CAMK1D: variants seen among roughly 807,000 people sequenced by gnomAD.
CAMK1D encodes calcium/calmodulin-dependent protein kinase type 1D.
CAMK1D carries 9 observed loss-of-function variants against 47.7 expected under a neutral mutation model. The ratio of observed to expected loss-of-function variants is 0.19; its 90% CI spans 0.11 to 0.33. The LOEUF is 0.33. Ranked by LOEUF, CAMK1D falls within the 10% of genes least tolerant of loss-of-function variation. The pLI, the probability that CAMK1D is intolerant of heterozygous loss-of-function variation, is 1.00. For missense variants in CAMK1D, 291 were observed against 488.7 expected (o/e 0.60, Z 3.81); for synonymous variants, 184 against 184.9 (o/e 0.99, Z 0.04).
intron 1 of CAMK1D, among the ~76,000 whole-genome samples, chr10:12,382,160 G>A (rs1200551720): frequency 1.3e-5 from 2 of 152,146 alleles, no homozygotes; most frequent in Non-Finnish European, 2.9e-5. Flanking sequence ...TGGACATTAA[G>A]TGGGGACTTG....
At chr10:12,719,429 A>AAAACG (rs1554816230) in intron 3 of CAMK1D, among the ~76,000 whole-genome samples, 45 of 150,768 alleles carry the variant, frequency 3.0e-4, no homozygotes, top group African/African-American at 1.1e-3. Context: ...AAAGAAAAGA[A>AAAACG]AAAAGAAAAC....
intron 2 of CAMK1D, among the ~76,000 whole-genome samples, chr10:12,588,589 A>T (rs1050253649): frequency 6.6e-6 from 1 of 152,002 alleles, no homozygotes; most frequent in African/African-American, 2.4e-5. Flanking sequence ...CCTGGCATGC[A>T]GATCTCCTGC....
intron 1 of CAMK1D, among the ~76,000 whole-genome samples, chr10:12,512,859 G>A (rs1835080928): frequency 6.6e-6 from 1 of 152,222 alleles, no homozygotes; most frequent in African/African-American, 2.4e-5. Flanking sequence ...GGGAAAGCAA[G>A]CCGACCACAT....
chr10:12,355,893 C>T (rs1837498270), intron 1 of CAMK1D, among the ~76,000 whole-genome samples: 1 of 152,160 alleles, frequency 6.6e-6, no homozygotes, highest in South Asian at 2.1e-4. Context: ...ACGTTAGAAG[C>T]TGCAGGTTAG....
At chr10:12,491,683 G>A (rs555982085) in intron 1 of CAMK1D, among the ~76,000 whole-genome samples, 6 of 152,232 alleles carry the variant, frequency 3.9e-5, no homozygotes, top group East Asian at 1.9e-4. Context: ...AGCATTTCCC[G>A]CAGAGTCTGG....
At chr10:12,506,351 C>T (rs1171534627) in intron 1 of CAMK1D, among the ~76,000 whole-genome samples, 2 of 152,036 alleles carry the variant, frequency 1.3e-5, no homozygotes, top group African/African-American at 2.4e-5. Context: ...ACCTGGGAGA[C>T]GGAGGTTGCA....
At position 12,791,300 on chromosome 10, in the gene CAMK1D, G is replaced by A. The variant is rs76601030; in HGVS notation, c.641+67G>A. 9,624 of 1,411,812 alleles carry A rather than the reference G, an allele frequency of 6.8e-3. 517 individuals are homozygous for A. In the African/African-American group the frequency reaches 0.12, roughly 17 times the overall value. The allele number at this position is 1,411,812 out of a possible 1,614,324, so 87.5% of individuals were successfully genotyped here. On this transcript the variant is annotated intron_variant, in intron 6 of 10. Transcript: ENST00000619168. ...TTTTTTTGTTTGGTGAAATATACAT[G>A]AAACAAAATTTACCATTTTTAAGGG...
At chr10:12,774,413 A>ATG (rs1160770259) in intron 5 of CAMK1D, among the ~76,000 whole-genome samples, 1 of 152,076 alleles carries the variant, frequency 6.6e-6, no homozygotes, top group Non-Finnish European at 1.5e-5. Context: ...AGGCAGGAGA[A>ATG]TGTGGGCAAG....
At chr10:12,705,989 C>G (rs1833715358) in intron 3 of CAMK1D, among the ~76,000 whole-genome samples, 1 of 152,204 alleles carries the variant, frequency 6.6e-6, no homozygotes, top group Non-Finnish European at 1.5e-5. Context: ...TCATTTAATC[C>G]TTATCCATTT....
At chr10:12,571,099 A>G (rs1309490645) in intron 2 of CAMK1D, among the ~76,000 whole-genome samples, 4 of 151,954 alleles carry the variant, frequency 2.6e-5, no homozygotes, top group African/African-American at 4.8e-5. Context: ...GCCCCTTGCT[A>G]CTCTGAGTGT....
At chr10:12,685,745 A>G (rs1259494441) in intron 3 of CAMK1D, among the ~76,000 whole-genome samples, 1 of 152,188 alleles carries the variant, frequency 6.6e-6, no homozygotes, top group Non-Finnish European at 1.5e-5. Flanking sequence ...AAAGGATGGC[A>G]TTTTCGAGTG....
intron 1 of CAMK1D, among the ~76,000 whole-genome samples, chr10:12,435,752 G>C (rs1832616529): frequency 6.6e-6 from 1 of 152,192 alleles, no homozygotes; most frequent in African/African-American, 2.4e-5. Flanking sequence ...TATTTTCAGA[G>C]GTGACAGGGA....
In CAMK1D at chr10:12,447,461, G is replaced by A. The variant is rs530160807; in HGVS notation, c.92+97551G>A. ...TCATGCCTGTAATCCCAACACTTTG[G>A]GAAGCTGAGACAGAAAGATTGCTTG... On this transcript the variant is annotated intron_variant, in intron 1 of 10. Transcript: ENST00000619168. 2.6e-5 allele frequency among the ~76,000 whole-genome samples: 4 copies of A among 152,240 alleles called. No individual in the cohort carries two copies. The East Asian group carries it at 7.7e-4, about 29-fold the overall frequency.
chr10:12,748,175 A>G (rs1835772068), intron 3 of CAMK1D, among the ~76,000 whole-genome samples: 2 of 152,208 alleles, frequency 1.3e-5, no homozygotes, highest in Admixed American at 1.3e-4. Flanking sequence ...CATGGTATTT[A>G]AACTCTTCCT....
At chr10:12,707,635 G>A (rs1833775418) in intron 3 of CAMK1D, among the ~76,000 whole-genome samples, 1 of 152,194 alleles carries the variant, frequency 6.6e-6, no homozygotes, top group South Asian at 2.1e-4. Context: ...TCAGCTCTGG[G>A]GAATTCCAGA....
chr10:12,723,725 C>T (rs1834494176), intron 3 of CAMK1D, among the ~76,000 whole-genome samples: 1 of 152,000 alleles, frequency 6.6e-6, no homozygotes, highest in Non-Finnish European at 1.5e-5. Context: ...ACTCTATTAG[C>T]AGGTTTTGTT....
chr10:12,523,919 G>C (rs1433485796), intron 1 of CAMK1D, among the ~76,000 whole-genome samples: 1 of 151,422 alleles, frequency 6.6e-6, no homozygotes, highest in African/African-American at 2.4e-5. Flanking sequence ...TTATTTTTTT[G>C]AGATGGAGTC....
In CAMK1D at chr10:12,674,748, C is replaced by T. The variant is rs545251483; in HGVS notation, c.299+7938C>T. ...CTGACTTGACTTGTAGAATATTAATCCAGGGTCAGGCGCGGTGGCTCACGC... is the reference window on the plus strand; with the variant it reads ...CTGACTTGACTTGTAGAATATTAATTCAGGGTCAGGCGCGGTGGCTCACGC... On this transcript the variant is annotated intron_variant, in intron 3 of 10. Coordinates refer to ENST00000619168, the MANE Select transcript of CAMK1D (RefSeq NM_153498.4). Among the ~76,000 whole-genome samples, 4 of 151,568 alleles carry T rather than the reference C, an allele frequency of 2.6e-5. No individual in the cohort carries two copies. The South Asian group carries it at 8.3e-4, about 32-fold the overall frequency.
chr10:12,535,527 A>G (rs1835941969), intron 1 of CAMK1D, among the ~76,000 whole-genome samples: 1 of 152,138 alleles, frequency 6.6e-6, no homozygotes, highest in African/African-American at 2.4e-5. Flanking sequence ...GAGTTAAGTA[A>G]AGTTATTAAA....
Sources: allele counts gnomAD v4.1 joint callset (sites outside exome capture counted in the v4.1 genomes callset), GRCh38; gene constraint gnomAD v4.1.1; transcripts MANE v1.5; gene names NCBI Gene and HGNC (gene_info 2026-07-23, HGNC 2026-07-21).